Variants in SEMA3E observed in about 807,000 individuals in gnomAD.
The protein encoded by SEMA3E is semaphorin 3E, also known as semaphorin-3E.
In SEMA3E, 49 loss-of-function variants were observed where a neutral mutation model predicts 93.6. The ratio of observed to expected loss-of-function variants is 0.52; its 90% CI spans 0.42 to 0.66. The LOEUF (loss-of-function observed/expected upper bound fraction) is 0.66, where lower values mean the gene tolerates loss of function less well. Ranked by LOEUF, SEMA3E falls within the 30% of genes least tolerant of loss-of-function variation. The pLI, the probability that SEMA3E is intolerant of heterozygous loss-of-function variation, is 0.00. For missense variants in SEMA3E, 906 were observed against 964.8 expected, an observed-to-expected ratio of 0.94 and a Z score of 0.81; for synonymous variants, 363 against 330.7, an observed-to-expected ratio of 1.10 and a Z score of -1.06.
chr7:83,605,649 C>T (rs1158381395), intron 1 of SEMA3E, among the ~76,000 whole-genome samples: 4 of 151,988 alleles, frequency 2.6e-5, no homozygotes, highest in Non-Finnish European at 5.9e-5. Flanking sequence ...AGGCTGGTCT[C>T]GAACTCCTGA....
intron 1 of SEMA3E, among the ~76,000 whole-genome samples, chr7:83,585,774 T>C (rs1165310673): frequency 6.6e-6 from 1 of 152,194 alleles, no homozygotes; most frequent in Non-Finnish European, 1.5e-5. Context: ...AATTGAGCTT[T>C]TCCTATTAAG....
chr7:83,541,619 G>T (rs1042105340), intron 1 of SEMA3E, among the ~76,000 whole-genome samples: 3 of 152,096 alleles, frequency 2.0e-5, no homozygotes, highest in African/African-American at 7.2e-5. Context: ...ATTATGGAAG[G>T]GGTGTCATTT....
intron 4 of SEMA3E, among the ~76,000 whole-genome samples, chr7:83,459,902 C>T (rs1329941000): frequency 1.3e-5 from 2 of 152,160 alleles, no homozygotes; most frequent in Admixed American, 6.5e-5. Flanking sequence ...AGCACCCCTA[C>T]TGAGCACCTT....
chr7:83,577,741 C>T (rs1195362257), intron 1 of SEMA3E, among the ~76,000 whole-genome samples: 1 of 151,930 alleles, frequency 6.6e-6, no homozygotes, highest in Non-Finnish European at 1.5e-5. Flanking sequence ...GGAGAATTGG[C>T]TCTAGGAGAG....
intron 4 of SEMA3E, among the ~76,000 whole-genome samples, chr7:83,457,943 C>T (rs1485735380): frequency 2.0e-5 from 3 of 152,000 alleles, no homozygotes; most frequent in African/African-American, 7.3e-5. Context: ...ACTTTTAATT[C>T]CCTCATGTAA....
At chr7:83,516,947 A>T (rs768471051) in intron 1 of SEMA3E, among the ~76,000 whole-genome samples, 1 of 147,022 alleles carries the variant, frequency 6.8e-6, no homozygotes, top group Non-Finnish European at 1.5e-5. Context: ...GCATATATTT[A>T]TATATATATA....
intron 16 of SEMA3E, among the ~76,000 whole-genome samples, chr7:83,385,027 T>A (rs1402121965): frequency 6.6e-6 from 1 of 151,442 alleles, no homozygotes; most frequent in African/African-American, 2.4e-5. Flanking sequence ...TAAAAAATTC[T>A]TACTTCCAAG....
At chr7:83,589,774 C>T (rs115651604) in intron 1 of SEMA3E, among the ~76,000 whole-genome samples, 1,672 of 152,188 alleles carry the variant, frequency 0.011, 32 homozygotes, top group African/African-American at 0.037. Flanking sequence ...ACTAAAGTTA[C>T]ACTTCAAGTG....
chr7:83,438,547 A>T (rs1789048873), intron 4 of SEMA3E, among the ~76,000 whole-genome samples: 1 of 152,152 alleles, frequency 6.6e-6, no homozygotes, highest in Admixed American at 6.5e-5. Context: ...TAGATATTTT[A>T]GGACAAATTT....
chr7:83,385,343 G>T lies in SEMA3E; in HGVS notation c.1826C>A (p.Ala609Glu), dbSNP rs778141353. The change falls in exon 16 of 17, where the codon GCG becomes GAG. Residue 609 changes from alanine (A) to glutamate (E), a missense_variant. Transcript: ENST00000643230. ...LLECTPRSLQ[A>E]KVIWFVQKGR... ...TTTCTGTACAAACCAGATAACTTTC[G>T]CTTGTAAAGATCGTGGGGTACATTC... 1.2e-6 allele frequency: 2 copies of T among 1,613,242 alleles called. No individual in the cohort carries two copies. Among genetic ancestry groups the T allele is most frequent in the East Asian group, 2.2e-5 (1 of 44,828 alleles).
At chr7:83,477,186 A>G (rs1003692427) in intron 2 of SEMA3E, among the ~76,000 whole-genome samples, 1 of 152,168 alleles carries the variant, frequency 6.6e-6, no homozygotes, top group Non-Finnish European at 1.5e-5. Flanking sequence ...TTATTTAAAG[A>G]GTAAATAAAA....
chr7:83,425,778 G>A (rs1007657108), intron 4 of SEMA3E, among the ~76,000 whole-genome samples: 2 of 152,126 alleles, frequency 1.3e-5, no homozygotes, highest in African/African-American at 2.4e-5. Context: ...CACAGCAAGA[G>A]CAACTATCAA....
At chr7:83,456,121 T>G (rs183042108) in intron 4 of SEMA3E, among the ~76,000 whole-genome samples, 21 of 152,378 alleles carry the variant, frequency 1.4e-4, no homozygotes, top group Admixed American at 8.5e-4. Context: ...TGTGCTAAAG[T>G]CGTCTCATTC....
At chr7:83,533,902 G>T (rs1860609) in intron 1 of SEMA3E, among the ~76,000 whole-genome samples, 23,158 of 152,138 alleles carry the variant, frequency 0.15, 2,347 homozygotes, top group Middle Eastern at 0.35. Flanking sequence ...TTGTCCTAAA[G>T]AGGAACTCAG....
At chr7:83,422,914 G>T (rs573763033) in intron 4 of SEMA3E, among the ~76,000 whole-genome samples, 1 of 152,264 alleles carries the variant, frequency 6.6e-6, no homozygotes, top group South Asian at 2.1e-4. Flanking sequence ...AGGCATAGAT[G>T]AATAAAATGC....
At chr7:83,380,446 C>A (rs570138156) in intron 16 of SEMA3E, among the ~76,000 whole-genome samples, 1 of 151,888 alleles carries the variant, frequency 6.6e-6, no homozygotes, top group Non-Finnish European at 1.5e-5. Flanking sequence ...ATTCCTTGAT[C>A]TGTCTACTCA....
intron 1 of SEMA3E, among the ~76,000 whole-genome samples, chr7:83,642,284 C>T (rs770371473): frequency 3.7e-4 from 57 of 152,108 alleles, no homozygotes; most frequent in Non-Finnish European, 6.8e-4. Flanking sequence ...GGCAAAGGAG[C>T]CCTATGGTTA....
intron 1 of SEMA3E, among the ~76,000 whole-genome samples, chr7:83,591,576 A>G (rs1792758030): frequency 6.6e-6 from 1 of 151,980 alleles, no homozygotes; most frequent in Non-Finnish European, 1.5e-5. Context: ...ATATAAATTA[A>G]GAAAATAGTT....
chr7:83,467,787 G>A (rs999879237), intron 3 of SEMA3E, among the ~76,000 whole-genome samples: 13 of 152,112 alleles, frequency 8.5e-5, no homozygotes, highest in African/African-American at 1.7e-4. Flanking sequence ...TCTATTTTAC[G>A]CATCTCGGCA....
Sources: gnomAD v4.1 joint callset for allele counts (sites outside exome capture counted in the v4.1 genomes callset) on GRCh38, gnomAD v4.1.1 for gene constraint, MANE v1.5 for transcripts, NCBI Gene and HGNC (gene_info 2026-07-23, HGNC 2026-07-21) for gene names.